Variants in VSX1 observed in about 807,000 individuals in gnomAD.
VSX1 encodes the protein visual system homeobox 1, also known as homeodomain protein RINX.
VSX1 carries 23 observed loss-of-function variants against 23.6 expected under a neutral mutation model. The observed-to-expected ratio is 0.97, with a 90% CI of 0.70 to 1.38. The LOEUF is 1.38. Among genes scored for constraint, VSX1 ranks in the 40% most tolerant of loss-of-function variants. The pLI, the probability that VSX1 is intolerant of heterozygous loss-of-function variation, is 0.00. For synonymous variants in VSX1, 247 were observed against 215.1 expected, an observed-to-expected ratio of 1.15 and a Z score of -1.30; for missense variants, 517 against 495.4, an observed-to-expected ratio of 1.04 and a Z score of -0.41.
intron 3 of VSX1, chr20:25,078,418 A>T: frequency 1.7e-6 from 1 of 579,174 alleles, no homozygotes; most frequent in Non-Finnish European, 2.4e-6. Context: ...GAGTGTGTGT[A>T]TATATGCATG....
At chr20:25,075,143 C>G (rs926849078), downstream of VSX1, among the ~76,000 whole-genome samples, 16 of 152,210 alleles carry the variant, frequency 1.1e-4, no homozygotes, top group Non-Finnish European at 1.9e-4. Context: ...CCTAGCCTGA[C>G]AGATCACTGG....
chr20:25,081,851 G>A lies in VSX1; in HGVS notation c.246C>T (p.Leu82=), dbSNP rs766426132. 1.1e-5 allele frequency: 17 copies of A among 1,521,220 alleles called. 1 individual carries two copies. The South Asian group carries it at 1.7e-4, about 15-fold the overall frequency. The allele number at this position is 1,521,220 out of a possible 1,614,324, so 94.2% of individuals were successfully genotyped here. Reference sequence around the variant, plus strand: ...GCGTGCCGAAGCCACAGAGGAGGCCGAGTCCCAGCGGTAGGGCCCCACGCG... The same window carrying A: ...GCGTGCCGAAGCCACAGAGGAGGCCAAGTCCCAGCGGTAGGGCCCCACGCG... ...SLARGALPLG[L]GLLCGFGTQP... The change falls in exon 1 of 5, where the codon CTC becomes CTT. Residue 82 remains leucine, a synonymous_variant. Coordinates refer to ENST00000376709, the MANE Select transcript of VSX1 (RefSeq NM_014588.6).
rs2089590512 is a variant in VSX1, at chr20:25,079,440, G to A, written c.499C>T (p.His167Tyr). ...PTLGKRKKRR[H>Y]RTVFTAHQLE... ...GGGGACTGCCTGGCCCTATACCTGT[G>A]CCGCCGCTTCTTCCTCTTGCCCAAG... Residue 167 changes from histidine to tyrosine, a missense_variant, in exon 2 of 5, where the codon CAC becomes TAC. Transcript: ENST00000376709. 1.9e-6 allele frequency: 3 copies of A among 1,611,402 alleles called. No homozygotes were observed. The highest frequency in any genetic ancestry group is 3.3e-5 in the Admixed American group (2 of 59,896).
intron 2 of VSX1, 88 bp downstream of exon 2, chr20:25,079,348 C>T (rs904175582): frequency 3.5e-5 from 47 of 1,360,086 alleles, no homozygotes; most frequent in Admixed American, 3.0e-4. Flanking sequence ...GCTATCATGC[C>T]GGGCCATAAA....
downstream of VSX1, chr20:25,071,596 G>C (rs1030306481): frequency 1.0e-5 from 5 of 496,062 alleles, no homozygotes; most frequent in Middle Eastern, 5.9e-4. Flanking sequence ...AAGCAGTTCC[G>C]AGTGATAGAC....
downstream of VSX1, chr20:25,071,466 G>T: frequency 2.2e-6 from 1 of 451,732 alleles, no homozygotes; most frequent in Non-Finnish European, 4.4e-6. Flanking sequence ...GTGAGACCCT[G>T]CCCTAACACT....
At chr20:25,078,612 T>G in intron 3 of VSX1, 2 of 1,465,136 alleles carry the variant, frequency 1.4e-6, no homozygotes, top group African/African-American at 1.4e-5. Flanking sequence ...ATCATGTGAT[T>G]TTAAAGAATG....
At chr20:25,071,574 A>G, downstream of VSX1, 1 of 475,010 alleles carries the variant, frequency 2.1e-6, no homozygotes, top group South Asian at 1.5e-5. Flanking sequence ...TTCAACAGAT[A>G]ATCTTGAGTA....
downstream of VSX1, chr20:25,071,631 T>C (rs997650924): frequency 1.8e-6 from 1 of 557,984 alleles, no homozygotes; most frequent in African/African-American, 1.9e-5. Context: ...AGGAGGGGAG[T>C]TTCTGTAAGA....
rs1411159303 is a variant in VSX1, at chr20:25,079,428, C to T, written c.503+8G>A. ...AAGGCAGGCAGAGGGGACTGCCTGG[C>T]CCTATACCTGTGCCGCCGCTTCTTC... On this transcript the variant is annotated splice_region_variant and intron_variant, in intron 2 of 4. Coordinates refer to ENST00000376709, the MANE Select transcript of VSX1 (RefSeq NM_014588.6). 3.1e-6 allele frequency: 5 copies of T among 1,609,964 alleles called. No individual in the cohort carries two copies. Among genetic ancestry groups the T allele is most frequent in the South Asian group, 2.2e-5 (2 of 90,158 alleles).
In VSX1 at chr20:25,081,503, A is replaced by T. The variant is rs2089641232; in HGVS notation, c.424+170T>A. On this transcript the variant is annotated intron_variant, in intron 1 of 4. Transcript: ENST00000376709. ...AGGGATTTAGGATGCAGCAAGGGGC[A>T]GGCGGCGCAGCTCCGCGAATGCCCC... 4.0e-6 allele frequency: 4 copies of T among 1,006,786 alleles called. No homozygotes were observed. The East Asian group carries it at 9.5e-5, about 24-fold the overall frequency. The allele number at this position is 1,006,786 out of a possible 1,614,324, so 62.4% of individuals were successfully genotyped here. A position where few individuals can be genotyped will look rare whatever the true frequency, so the allele number is the denominator to read the frequency against.
chr20:25,071,949 G>A (rs149938697), downstream of VSX1: 237 of 654,484 alleles, frequency 3.6e-4, no homozygotes, highest in African/African-American at 4.0e-3. Flanking sequence ...GCACCACCAC[G>A]GGGTCTGGGG....
chr20:25,077,778 C>A lies in VSX1; in HGVS notation c.715G>T (p.Gly239Trp), dbSNP rs749663315. Residue 239 changes from glycine to tryptophan, a missense_variant, in exon 4 of 5, where the codon GGG (glycine) becomes TGG (tryptophan). Physicochemically the swap from Gly to Trp is radical, Grantham distance 184. Transcript: ENST00000376709. ...SSVMAEYGLY[G>W]AMVRHCIPLP... ...GGGATGCAGTGGCGCACCATGGCCC[C>A]GTACAGCCCGTACTCGGCCATCACG... The A allele has an allele frequency of 5.8e-6, 9 of 1,551,014 alleles. No individual in the cohort carries two copies. Among genetic ancestry groups the A allele is most frequent in the Non-Finnish European group, 7.8e-6 (9 of 1,146,986 alleles).
chr20:25,081,903 C>T lies in VSX1; in HGVS notation c.194G>A (p.Gly65Asp). ...CEGPAVAPCPGPGLDGSSLAR... is the reference protein window; with the variant it reads ...CEGPAVAPCPDPGLDGSSLAR... ...CAGGCTGGAGCCGTCAAGCCCCGGG[C>T]CCGGGCACGGCGCGACTGCCGGACC... Residue 65 changes from glycine to aspartate, a missense_variant, in exon 1 of 5, where the codon GGC becomes GAC. Physicochemically the swap from Gly to Asp is moderately conservative, Grantham distance 94. Transcript: ENST00000376709. 1.3e-6 allele frequency: 2 copies of T among 1,528,688 alleles called. No homozygotes were observed. Among genetic ancestry groups the T allele is most frequent in the Non-Finnish European group, 1.7e-6 (2 of 1,144,122 alleles). 94.7% of individuals were successfully genotyped at this position (1,528,688 alleles called of 1,614,324 possible).
rs778922696 is a variant in VSX1 at position 25,081,895 on chromosome 20, GC to G, written c.201del (p.Asp69ThrfsTer35). 7.8e-6 allele frequency: 12 copies of G among 1,528,662 alleles called. No homozygotes were observed. The Admixed American group carries it at 2.0e-4, about 25-fold the overall frequency. The allele number at this position is 1,528,662 out of a possible 1,614,324, so 94.7% of individuals were successfully genotyped here. ...GPAVAPCPGP[G>X]LDGSSLARGA... ...CCACGCGCCAGGCTGGAGCCGTCAA[GC>G]CCCGGGCCCGGGCACGGCGCGACTG... On this transcript the variant is annotated frameshift_variant, in exon 1 of 5. Transcript: ENST00000376709. LOFTEE classifies it high-confidence loss of function.
intron 1 of VSX1, among the ~76,000 whole-genome samples, chr20:25,080,702 C>G (rs981876240): frequency 1.3e-5 from 2 of 152,202 alleles, no homozygotes; most frequent in African/African-American, 4.8e-5. Flanking sequence ...AAGAACCCAT[C>G]CCATGAAAAC....
rs1407786941 is a variant in VSX1 at position 25,076,288 on chromosome 20, G to A, written c.1071C>T (p.Pro357=). ...ATGTGGCTCCCACCTTCCCTGGCTG[G>A]GGCCCCTCCAGTGCCGTGGAGTTGG... ...GGSNSTALEG[P]QPGKVGAT is the part of the protein sequence containing the mutation. The change falls in exon 5 of 5, where the codon CCC becomes CCT. Residue 357 remains proline (P), a synonymous_variant. Transcript: ENST00000376709. 6.2e-7 allele frequency: 1 copy of A among 1,614,182 alleles called. No homozygotes were observed. The highest frequency in any genetic ancestry group is 1.7e-5 in the Admixed American group (1 of 60,030).
intron 2 of VSX1, 125 bp downstream of exon 2, chr20:25,079,311 A>G (rs1600385456): frequency 4.9e-6 from 5 of 1,011,844 alleles, no homozygotes; most frequent in Non-Finnish European, 7.1e-6. Flanking sequence ...TGCCCTTCCC[A>G]TTGCCAACCA....
In VSX1 at chr20:25,077,735, A is replaced by G. The variant is rs1374972842; in HGVS notation, c.758T>C (p.Leu253Pro). 6.4e-7 allele frequency: 1 copy of G among 1,550,402 alleles called. No individual in the cohort carries two copies. The highest frequency in any genetic ancestry group is 8.7e-7 in the Non-Finnish European group (1 of 1,146,888). ...CAGCAGGCCGCCCTCGGCGGAGTTG[A>G]GCACGGAGTCTGGCAGCGGGATGCA... ...RHCIPLPDSV[L>P]NSAEGGLLGS... Residue 253 changes from leucine to proline, a missense_variant, in exon 4 of 5, where the codon CTC (leucine) becomes CCC (proline). Transcript: ENST00000376709.
Sources: allele counts gnomAD v4.1 joint callset (sites outside exome capture counted in the v4.1 genomes callset), GRCh38; gene constraint gnomAD v4.1.1; transcripts MANE v1.5; gene names NCBI Gene and HGNC (gene_info 2026-07-23, HGNC 2026-07-21).